Variants in CLCN2 observed in about 807,000 individuals in gnomAD.
CLCN2 encodes chloride voltage-gated channel 2, also known as chloride channel protein 2.
In CLCN2, 72 loss-of-function variants were observed where a neutral mutation model predicts 108.3. The ratio of observed to expected loss-of-function variants is 0.66; its 90% confidence interval spans 0.55 to 0.81. CLCN2 has a LOEUF of 0.81. CLCN2 is among the 30% of genes least tolerant of loss of function. CLCN2 has a pLI of 0.00. For synonymous variants in CLCN2, 471 were observed against 467.1 expected (o/e 1.01, Z -0.11); for missense variants, 1,048 against 1,205.2 (o/e 0.87, Z 1.93).
intron 10 of CLCN2, chr3:184,356,178 T>C (rs980729676): frequency 3.4e-6 from 1 of 293,514 alleles, no homozygotes; most frequent in African/African-American, 2.2e-5. Context: ...TGAAGGTCAA[T>C]GTTGGGGGAA....
Position 184,357,774 on chromosome 3 carries a change from C to T in CLCN2, c.693+5G>A, listed in dbSNP as rs1240417825. 3.7e-6 allele frequency: 6 copies of T among 1,613,906 alleles called. No individual in the cohort carries two copies. In the South Asian group the frequency reaches 5.5e-5, roughly 15 times the overall value. ...GCCCCCTACTTGCCCCAGGGTTCCC[C>T]TTACCTCATAGATACCCCCAAAGAG... On this transcript the variant is annotated splice_donor_5th_base_variant and intron_variant, in intron 6 of 23. Coordinates refer to ENST00000265593, the MANE Select transcript of CLCN2 (RefSeq NM_004366.6).
intron 8 of CLCN2, 36 bp from the exon 9 acceptor site, chr3:184,357,302 C>A (rs749777187): frequency 6.2e-7 from 1 of 1,613,988 alleles, no homozygotes; most frequent in Non-Finnish European, 8.5e-7. Context: ...GCAGGCCTAG[C>A]CTCGTGGGCC....
rs767313661 is a variant in CLCN2, at chr3:184,358,169, T to C, written c.481+13A>G. The stretch of plus-strand genomic sequence containing the variant: ...GGGTCCCGCCTCTGCCCTCCCCTTC[T>C]CTTCTAACATACCGACAGCCTGAGG... On this transcript the variant is annotated intron_variant, in intron 4 of 23. Transcript: ENST00000265593. 1 of 1,614,128 alleles carries C rather than the reference T, an allele frequency of 6.2e-7. No homozygotes were observed. Among genetic ancestry groups the C allele is most frequent in the Non-Finnish European group, 8.5e-7 (1 of 1,180,018 alleles).
chr3:184,355,615 A>G lies in CLCN2; in HGVS notation c.1170+79T>C. 1.2e-6 allele frequency: 2 copies of G among 1,603,408 alleles called. No homozygotes were observed. Among genetic ancestry groups the G allele is most frequent in the East Asian group, 4.5e-5 (2 of 44,818 alleles). On this transcript the variant is annotated intron_variant, in intron 11 of 23. Transcript: ENST00000265593. The surrounding 1 kb of genome is among the most constrained non-coding windows in gnomAD (Gnocchi z 6.3). The stretch of plus-strand genomic sequence containing the variant: ...GATCCCACGGGGAACAAGGGGTCCC[A>G]CAGTCACACTGGGGCTGTTGGCTTT...
In CLCN2 at chr3:184,357,618, A is replaced by T. The variant is rs780486086; in HGVS notation, c.772+2T>A. ...CTGGACTGACCTAGGAGCCCTGCCT[A>T]CCTCCAATAGGTGCCGCGAAGCAGC... On this transcript the variant is annotated splice_donor_variant, in intron 7 of 23. Coordinates refer to ENST00000265593, the MANE Select transcript of CLCN2 (RefSeq NM_004366.6). LOFTEE classifies it high-confidence loss of function. 1 of 1,613,908 alleles carries T rather than the reference A, an allele frequency of 6.2e-7. No homozygotes were observed. The highest frequency in any genetic ancestry group is 1.1e-5 in the South Asian group (1 of 91,076).
chr3:184,355,611 T>A lies in CLCN2; in HGVS notation c.1171-82A>T. 6.2e-7 allele frequency: 1 copy of A among 1,602,772 alleles called. No homozygotes were observed. The highest frequency in any genetic ancestry group is 8.5e-7 in the Non-Finnish European group (1 of 1,169,854). On this transcript the variant is annotated intron_variant, in intron 11 of 23. Transcript: ENST00000265593. This position sits in a 1 kb window ranked among gnomAD's most constrained non-coding sequence, Gnocchi z 6.3. ...ATGGGATCCCACGGGGAACAAGGGG[T>A]CCCACAGTCACACTGGGGCTGTTGG...
Position 184,353,138 on chromosome 3 carries a change from C to T in CLCN2, c.2038G>A (p.Glu680Lys), listed in dbSNP as rs754625567. The T allele has an allele frequency of 1.9e-6, 3 of 1,614,166 alleles. No individual in the cohort carries two copies. The highest frequency in any genetic ancestry group is 1.1e-5 in the South Asian group (1 of 91,082). The part of the protein sequence containing the change: ...EASVCFQVNT[E>K]DSAFPAARGE... ...CGGGCTGCTGGGAAGGCTGAGTCTT[C>T]TGTGTTCACCTGCATAGGCAGGAAG... Residue 680 changes from glutamate to lysine, a missense_variant, in exon 18 of 24, where the codon GAA becomes AAA. By Grantham distance (56) the Glu-to-Lys change is moderately conservative. Transcript: ENST00000265593.
In CLCN2 at chr3:184,357,979, T is replaced by C; in HGVS notation, c.598A>G (p.Met200Val). Reference protein sequence around the residue: ...IGLTCALGSGMPLGKEGPFVH... With the variant: ...IGLTCALGSGVPLGKEGPFVH... ...GCAGTTACCTCTTTGCCAAGCGGCA[T>C]CCCGCTGCCTAGGGCGCAGGTCAGC... is the stretch of plus-strand genomic sequence containing the variant. The change falls in exon 5 of 24, where the codon ATG becomes GTG. Residue 200 changes from methionine (M) to valine (V), a missense_variant. Transcript: ENST00000265593. 6.2e-7 allele frequency: 1 copy of C among 1,614,012 alleles called. No individual in the cohort carries two copies. Among genetic ancestry groups the C allele is most frequent in the Non-Finnish European group, 8.5e-7 (1 of 1,180,040 alleles).
rs997463881 is a variant in CLCN2, at chr3:184,353,331, C to G, written c.1947G>C (p.Met649Ile). Reference sequence around the variant, plus strand: ...AGGTCTGGGTGGCTCTGCGCTCCTGCATGTGCTGCCGCCGGCGGGCTGGGC... The same window carrying G: ...AGGTCTGGGTGGCTCTGCGCTCCTGGATGTGCTGCCGCCGGCGGGCTGGGC... ...QLSPARRRQH[M>I]QERRATQTSP... The change falls in exon 17 of 24, where the codon ATG (methionine) becomes ATC (isoleucine). Residue 649 changes from methionine to isoleucine, a missense_variant. Coordinates refer to ENST00000265593, the MANE Select transcript of CLCN2 (RefSeq NM_004366.6). 8.1e-6 allele frequency: 13 copies of G among 1,613,250 alleles called. No individual in the cohort carries two copies. In the Admixed American group the frequency reaches 2.2e-4, roughly 27 times the overall value.
intron 1 of CLCN2, among the ~76,000 whole-genome samples, chr3:184,360,412 G>A (rs1711891743): frequency 6.6e-6 from 1 of 152,022 alleles, no homozygotes. Flanking sequence ...CTCCTATCCT[G>A]GTCTGGGCAG....
chr3:184,355,091 C>A lies in CLCN2; in HGVS notation c.1327-118G>T. On this transcript the variant is annotated intron_variant, in intron 12 of 23. Coordinates refer to ENST00000265593, the MANE Select transcript of CLCN2 (RefSeq NM_004366.6). The surrounding 1 kb of genome is among the most constrained non-coding windows in gnomAD (Gnocchi z 6.3). ...GGTGGGCGTAACCCTCCCAGCCACCCCGTAACCCTCCTAGCTACCCTGGGA... is the reference window on the plus strand; with the variant it reads ...GGTGGGCGTAACCCTCCCAGCCACCACGTAACCCTCCTAGCTACCCTGGGA... 1.0e-6 allele frequency: 1 copy of A among 1,001,604 alleles called. No homozygotes were observed. Among genetic ancestry groups the A allele is most frequent in the Non-Finnish European group, 1.5e-6 (1 of 646,200 alleles). 62.0% of individuals were successfully genotyped at this position (1,001,604 alleles called of 1,614,324 possible).
At position 184,355,617 on chromosome 3, in the gene CLCN2, A is replaced by G; in HGVS notation, c.1170+77T>C. 1.2e-6 allele frequency: 2 copies of G among 1,601,228 alleles called. No individual in the cohort carries two copies. Among genetic ancestry groups the G allele is most frequent in the South Asian group, 2.2e-5 (2 of 90,846 alleles). On this transcript the variant is annotated intron_variant, in intron 11 of 23. Coordinates refer to ENST00000265593, the MANE Select transcript of CLCN2 (RefSeq NM_004366.6). This position sits in a 1 kb window ranked among gnomAD's most constrained non-coding sequence, Gnocchi z 6.3. ...TCCCACGGGGAACAAGGGGTCCCAC[A>G]GTCACACTGGGGCTGTTGGCTTTGG... is the stretch of plus-strand genomic sequence containing the variant.
intron 6 of CLCN2, 32 bp from the exon 7 acceptor site, chr3:184,357,730 T>C: frequency 6.2e-7 from 1 of 1,613,910 alleles, no homozygotes; most frequent in Non-Finnish European, 8.5e-7. Flanking sequence ...GGGGGTCAGC[T>C]GTGGGCTCAG....
In CLCN2 at chr3:184,346,747, C is replaced by T. The variant is rs760536095; in HGVS notation, c.2556G>A (p.Pro852=). The change falls in exon 24 of 24, where the codon CCG becomes CCA. Residue 852 remains proline (P), a synonymous_variant. Transcript: ENST00000265593. The surrounding 1 kb of genome is among the most constrained non-coding windows in gnomAD (Gnocchi z 6.0). ...SVTAQGVKVR[P]PLASFRDSAT... is the part of the protein sequence containing the mutation. Reference sequence around the variant, plus strand: ...CACTGTCTCGGAAGCTGGCGAGGGGCGGCCGGACTTTCACACCCTGTGCTG... The same window carrying T: ...CACTGTCTCGGAAGCTGGCGAGGGGTGGCCGGACTTTCACACCCTGTGCTG... 29 of 1,614,006 alleles carry T rather than the reference C, an allele frequency of 1.8e-5. No individual in the cohort carries two copies. In the Middle Eastern group the frequency reaches 8.2e-4, roughly 46 times the overall value.
chr3:184,357,447 T>C lies in CLCN2; in HGVS notation c.813A>G (p.Ala271=). 6.2e-7 allele frequency: 1 copy of C among 1,614,172 alleles called. No individual in the cohort carries two copies. Among genetic ancestry groups the C allele is most frequent in the Non-Finnish European group, 8.5e-7 (1 of 1,180,044 alleles). ...AGAAGCCCCGCCAGTAGTTCCGCAC[T>C]GCAAAGAAGGTGGAGGTGACCTCGA... is the stretch of plus-strand genomic sequence containing the variant. ...FSIEVTSTFF[A]VRNYWRGFFA... The change falls in exon 8 of 24, where the codon GCA becomes GCG. Residue 271 remains alanine, a synonymous_variant. Transcript: ENST00000265593.
At chr3:184,352,970 G>A in intron 18 of CLCN2, 63 bp downstream of exon 18, 2 of 1,554,976 alleles carry the variant, frequency 1.3e-6, no homozygotes, top group South Asian at 2.2e-5. Flanking sequence ...GGGCTGGGCA[G>A]GGACTCTAAT....
At chr3:184,351,935 C>T in intron 22 of CLCN2, 78 bp downstream of exon 22, 2 of 1,093,804 alleles carry the variant, frequency 1.8e-6, no homozygotes, top group Admixed American at 1.7e-5. Flanking sequence ...TGGCCTGAGT[C>T]CAAACTTGTA....
chr3:184,358,879 C>G (rs1055590233), intron 2 of CLCN2, 66 bp from the exon 3 acceptor site: 1 of 1,613,232 alleles, frequency 6.2e-7, no homozygotes, highest in Admixed American at 1.7e-5. Flanking sequence ...TTTACTGCCC[C>G]CTCAACTGTC....
Position 184,361,574 on chromosome 3 carries a change from C to T in CLCN2, c.-95G>A, listed in dbSNP as rs1712133874. ...AAGTCCGCGCCGGCAGCCGTCCCGTCCCCGCAGCCCGGGAGGCCGAGAGCA... is the reference window on the plus strand; with the variant it reads ...AAGTCCGCGCCGGCAGCCGTCCCGTTCCCGCAGCCCGGGAGGCCGAGAGCA... On this transcript the variant is annotated 5_prime_UTR_variant, in exon 1 of 24. Transcript: ENST00000265593. The surrounding 1 kb of genome is among the most constrained non-coding windows in gnomAD (Gnocchi z 6.6). 1 of 1,409,594 alleles carries T rather than the reference C, an allele frequency of 7.1e-7. No homozygotes were observed. The highest frequency in any genetic ancestry group is 1.2e-5 in the South Asian group (1 of 83,962). 87.3% of individuals were successfully genotyped at this position (1,409,594 alleles called of 1,614,324 possible).
Sources: allele counts gnomAD v4.1 joint callset (sites outside exome capture counted in the v4.1 genomes callset), GRCh38; gene constraint gnomAD v4.1.1; non-coding constraint Gnocchi (gnomAD v3.1); transcripts MANE v1.5; gene names NCBI Gene and HGNC (gene_info 2026-07-23, HGNC 2026-07-21).